Variants in SLC30A8 observed in about 807,000 individuals in gnomAD.
SLC30A8 encodes the protein proton-coupled zinc antiporter SLC30A8.
Under a neutral mutation model 36.9 loss-of-function variants are expected in SLC30A8, and 27 were observed. The observed-to-expected ratio is 0.73, with a 90% CI of 0.54 to 1.01. The LOEUF is 1.01. Among genes scored for constraint, SLC30A8 ranks in the 50% least tolerant of loss-of-function variants. The probability of loss-of-function intolerance (pLI) is 0.00; values close to 1 mark genes in which losing one functional copy is unlikely to be tolerated. For synonymous variants in SLC30A8, 164 were observed against 172.4 expected (o/e 0.95, Z 0.38); for missense variants, 439 against 452.0 (o/e 0.97, Z 0.26).
At chr8:117,150,823 T>C (rs1194645873) in intron 2 of SLC30A8, among the ~76,000 whole-genome samples, 2 of 152,100 alleles carry the variant, frequency 1.3e-5, no homozygotes, top group Non-Finnish European at 2.9e-5. Flanking sequence ...GCCAGGATGG[T>C]CTTGATCTCC....
rs113630786 is a variant in SLC30A8, at chr8:117,138,135, A to G, written c.71+2737A>G. On this transcript the variant is annotated intron_variant, in intron 1 of 7. Coordinates refer to ENST00000456015, the MANE Select transcript of SLC30A8 (RefSeq NM_173851.3). ...TGAACTACAACACGAAAAACAATCA[A>G]TGTTTTTCTTGGTGCTAGGTGGAAG... Among the ~76,000 whole-genome samples, 682 of 151,668 alleles carry G rather than the reference A, an allele frequency of 4.5e-3. 5 individuals are homozygous for G. Among genetic ancestry groups the G allele is most frequent in the Non-Finnish European group, 4.7e-3 (320 of 67,840 alleles).
At chr8:116,957,816 A>G (rs1814269366) in intron 1 of SLC30A8, among the ~76,000 whole-genome samples, 2 of 152,192 alleles carry the variant, frequency 1.3e-5, no homozygotes, top group Admixed American at 1.3e-4. Flanking sequence ...TATTCCCATC[A>G]GAAAACAGGA....
intron 1 of SLC30A8, among the ~76,000 whole-genome samples, chr8:116,958,935 C>T (rs181698440): frequency 2.7e-5 from 4 of 148,294 alleles, no homozygotes; most frequent in Admixed American, 6.8e-5. Flanking sequence ...CTGCCACCTC[C>T]GCCTCTCGGG....
chr8:117,160,579 C>G (rs1031584050), intron 4 of SLC30A8, among the ~76,000 whole-genome samples: 1 of 152,190 alleles, frequency 6.6e-6, no homozygotes, highest in African/African-American at 2.4e-5. Flanking sequence ...ATATGAGTGA[C>G]TACACAAGTT....
At chr8:117,109,644 C>T (rs1820139160) in intron 2 of SLC30A8, among the ~76,000 whole-genome samples, 1 of 152,122 alleles carries the variant, frequency 6.6e-6, no homozygotes, top group Admixed American at 6.5e-5. Context: ...ATGAATGGCC[C>T]CTTATCTGAC....
At position 116,997,790 on chromosome 8, in the gene SLC30A8, A is replaced by G. The variant is rs181496564; in HGVS notation, c.-265-41429A>G. ...TTGGAGTTGCTCCAGTCGTTCATTC[A>G]TTCAATCAGTGAGCATAGATGGGCC... On this transcript the variant is annotated intron_variant, in intron 1 of 10. Transcript: ENST00000427715. Among the ~76,000 whole-genome samples the G allele has an allele frequency of 1.1e-4, 17 of 152,318 alleles. No homozygotes were observed. The East Asian group carries it at 3.3e-3, about 29-fold the overall frequency.
At chr8:117,067,876 A>C (rs1818216507) in intron 2 of SLC30A8, among the ~76,000 whole-genome samples, 6 of 152,186 alleles carry the variant, frequency 3.9e-5, no homozygotes. Flanking sequence ...GGGCTCCTAA[A>C]TTGACGGCAA....
intron 2 of SLC30A8, among the ~76,000 whole-genome samples, chr8:117,125,828 G>A (rs1444893372): frequency 6.6e-6 from 1 of 151,814 alleles, no homozygotes; most frequent in African/African-American, 2.4e-5. Context: ...AATTTAAATA[G>A]CACTAGAATA....
chr8:117,039,254 C>T (rs1427700086), exon 2 of SLC30A8: 1 of 152,104 alleles, frequency 6.6e-6, no homozygotes, highest in Non-Finnish European at 1.5e-5. Context: ...CAGCACAGTA[C>T]CTAGGTATAT....
Position 117,176,025 on chromosome 8 carries a change from A to C in SLC30A8, c.*3344A>C, listed in dbSNP as rs1359223714. 6.6e-6 allele frequency: 1 copy of C among 152,112 alleles called. No homozygotes were observed. The highest frequency in any genetic ancestry group is 2.4e-5 in the African/African-American group (1 of 41,444). The allele number at this position is 152,112 out of a possible 1,614,324, so 9.4% of individuals were successfully genotyped here. A position where few individuals can be genotyped will look rare whatever the true frequency, so the allele number is the denominator to read the frequency against. On this transcript the variant is annotated 3_prime_UTR_variant, in exon 8 of 8. Coordinates refer to ENST00000456015, the MANE Select transcript of SLC30A8 (RefSeq NM_173851.3). ...TGTCCAGTGCAATGAAGGCAAAGTC[A>C]TAGGTCTCCCAAGTCTTACCCCATT...
chr8:117,051,227 G>T (rs964586744), intron 2 of SLC30A8, among the ~76,000 whole-genome samples: 3 of 152,204 alleles, frequency 2.0e-5, no homozygotes, highest in Non-Finnish European at 2.9e-5. Context: ...TGACTCGTTG[G>T]CCAATCATCC....
At position 117,176,086 on chromosome 8, in the gene SLC30A8, A is replaced by G. The variant is rs1051785538; in HGVS notation, c.*3405A>G. On this transcript the variant is annotated 3_prime_UTR_variant, in exon 8 of 8. Transcript: ENST00000456015. ...ATCAAGTTCTTGGCTTTTCTCTGTC[A>G]TGTAGCCTCAACTTTCTCTGACCGG... The G allele has an allele frequency of 1.3e-5, 2 of 152,060 alleles. No individual in the cohort carries two copies. Among genetic ancestry groups the G allele is most frequent in the African/African-American group, 4.8e-5 (2 of 41,420 alleles). The allele number at this position is 152,060 out of a possible 1,614,324, so 9.4% of individuals were successfully genotyped here.
intron 2 of SLC30A8, among the ~76,000 whole-genome samples, chr8:117,053,287 A>AT (rs1251435499): frequency 1.3e-5 from 2 of 151,854 alleles, no homozygotes; most frequent in African/African-American, 2.4e-5. Flanking sequence ...ATTTACTAAG[A>AT]TTTTTTTCCC....
intron 1 of SLC30A8, among the ~76,000 whole-genome samples, chr8:116,999,843 A>G (rs974628242): frequency 3.9e-5 from 6 of 152,096 alleles, no homozygotes; most frequent in African/African-American, 1.5e-4. Flanking sequence ...AAAAGCAGAC[A>G]TAAAAAATTA....
chr8:116,952,026 A>G (rs1162422064), intron 1 of SLC30A8, among the ~76,000 whole-genome samples: 2 of 152,154 alleles, frequency 1.3e-5, no homozygotes, highest in Admixed American at 1.3e-4. Context: ...GTGGTACAAG[A>G]GAGAAGGCGT....
intron 1 of SLC30A8, among the ~76,000 whole-genome samples, chr8:117,020,304 A>G (rs1276138741): frequency 6.6e-6 from 1 of 152,188 alleles, no homozygotes; most frequent in African/African-American, 2.4e-5. Flanking sequence ...TAAATAATAG[A>G]AAGACAAATA....
chr8:116,997,146 G>A (rs1815848682), intron 1 of SLC30A8, among the ~76,000 whole-genome samples: 2 of 152,144 alleles, frequency 1.3e-5, no homozygotes, highest in Admixed American at 1.3e-4. Flanking sequence ...AGAGGCAGAA[G>A]ACGAAGGGGG....
At chr8:116,995,056 C>A (rs17812443) in intron 1 of SLC30A8, among the ~76,000 whole-genome samples, 3,200 of 152,070 alleles carry the variant, frequency 0.021, 144 homozygotes, top group East Asian at 0.17. Flanking sequence ...AATGCCTCTT[C>A]GATTGTTAAT....
At chr8:117,066,222 C>T (rs999823831) in intron 2 of SLC30A8, among the ~76,000 whole-genome samples, 2 of 152,154 alleles carry the variant, frequency 1.3e-5, no homozygotes, top group African/African-American at 2.4e-5. Context: ...TTCCACTGTC[C>T]TGTTGCTTTA....
Sources: allele counts gnomAD v4.1 joint callset (sites outside exome capture counted in the v4.1 genomes callset), GRCh38; gene constraint gnomAD v4.1.1; transcripts MANE v1.5; gene names NCBI Gene and HGNC (gene_info 2026-07-23, HGNC 2026-07-21).